The following SCAPER variants were observed in gnomAD, a reference collection of about 807,000 sequenced individuals.
SCAPER encodes S phase cyclin A-associated protein in the endoplasmic reticulum.
A neutral mutation model predicts 182.2 loss-of-function variants in SCAPER; 98 were observed. The ratio of observed to expected loss-of-function variants is 0.54; its 90% CI spans 0.46 to 0.64. The LOEUF (loss-of-function observed/expected upper bound fraction) is 0.64. SCAPER is among the 30% of genes least tolerant of loss of function. The pLI is 0.00. For missense variants in SCAPER, 1,432 were observed against 1,690.0 expected (o/e 0.85, Z 2.68); for synonymous variants, 605 against 564.6 (o/e 1.07, Z -1.01).
At chr15:76,651,356 T>C (rs2055019821) in intron 21 of SCAPER, among the ~76,000 whole-genome samples, 1 of 152,122 alleles carries the variant, frequency 6.6e-6, no homozygotes, top group Admixed American at 6.5e-5. Context: ...GCAATTTTCT[T>C]CAATGCAAGC....
intron 22 of SCAPER, among the ~76,000 whole-genome samples, chr15:76,597,863 G>C (rs1171117004): frequency 8.3e-6 from 1 of 120,614 alleles, no homozygotes; most frequent in African/African-American, 2.5e-5. Flanking sequence ...AGAAAACCTA[G>C]GCAATACCAT....
chr15:76,429,728 A>T (rs1053193761), intron 26 of SCAPER, among the ~76,000 whole-genome samples: 11 of 152,208 alleles, frequency 7.2e-5, no homozygotes, highest in Non-Finnish European at 1.2e-4. Flanking sequence ...GAAACAGCAT[A>T]AAAGTTTGGA....
intron 17 of SCAPER, among the ~76,000 whole-genome samples, chr15:76,707,520 T>G (rs1006919691): frequency 6.6e-6 from 1 of 152,074 alleles, no homozygotes; most frequent in Non-Finnish European, 1.5e-5. Flanking sequence ...TTTTAAAAAT[T>G]AAAGAGGAAT....
intron 3 of SCAPER, among the ~76,000 whole-genome samples, chr15:76,861,445 G>C (rs1257674459): frequency 6.6e-6 from 1 of 152,134 alleles, no homozygotes; most frequent in Non-Finnish European, 1.5e-5. Context: ...GTCATGAAAA[G>C]ATACCAGACA....
chr15:76,365,420 T>C (rs1303117976), intron 29 of SCAPER, among the ~76,000 whole-genome samples: 4 of 152,234 alleles, frequency 2.6e-5, no homozygotes, highest in Non-Finnish European at 5.9e-5. Context: ...GAGTTACTTT[T>C]TAAATGAAGC....
chr15:76,502,812 C>G (rs949599419), intron 24 of SCAPER, among the ~76,000 whole-genome samples: 27 of 152,174 alleles, frequency 1.8e-4, no homozygotes, highest in African/African-American at 6.5e-4. Context: ...CTAGTGCTGA[C>G]CAGCTGCAGG....
At chr15:76,795,099 CTATCTACAG>C in intron 8 of SCAPER, 172 bp downstream of exon 8, 1 of 483,638 alleles carries the variant, frequency 2.1e-6, no homozygotes, top group Non-Finnish European at 3.5e-6. Flanking sequence ...TCTCCATAAG[CTATCTACAG>C]TGCTGAAAAG....
chr15:76,901,338 TCAAC>T (rs1157171783), intron 1 of SCAPER, among the ~76,000 whole-genome samples: 1 of 152,244 alleles, frequency 6.6e-6, no homozygotes. Context: ...CATGAATATG[TCAAC>T]CAAGTTATTT....
chr15:76,589,940 G>A (rs959852824), intron 22 of SCAPER, among the ~76,000 whole-genome samples: 6 of 152,168 alleles, frequency 3.9e-5, no homozygotes, highest in South Asian at 2.1e-4. Flanking sequence ...CTTCTTCCAC[G>A]ATCTGGAACT....
At chr15:76,672,471 G>T (rs2146876047) in intron 20 of SCAPER, among the ~76,000 whole-genome samples, 1 of 152,062 alleles carries the variant, frequency 6.6e-6, no homozygotes. Flanking sequence ...CACAAAAAAT[G>T]ATATAAGGCA....
chr15:76,849,992 C>G (rs71405228), intron 4 of SCAPER, among the ~76,000 whole-genome samples: 1,585 of 152,216 alleles, frequency 0.01, 14 homozygotes, highest in Non-Finnish European at 0.017. Context: ...CTCACTATCA[C>G]GAGAACAGCA....
At chr15:76,412,432 G>C (rs759350014) in intron 26 of SCAPER, among the ~76,000 whole-genome samples, 1 of 152,076 alleles carries the variant, frequency 6.6e-6, no homozygotes, top group Non-Finnish European at 1.5e-5. Flanking sequence ...TGTGTGGCCA[G>C]GGGGTTTATG....
At chr15:76,497,137 T>C (rs1342889618) in intron 24 of SCAPER, among the ~76,000 whole-genome samples, 1 of 54,980 alleles carries the variant, frequency 1.8e-5, no homozygotes, top group Non-Finnish European at 4.0e-5. Context: ...CAAAACGGCC[T>C]TCCTTAGTCC....
intron 15 of SCAPER, among the ~76,000 whole-genome samples, chr15:76,744,596 C>A (rs1243804634): frequency 1.3e-5 from 2 of 152,110 alleles, no homozygotes; most frequent in African/African-American, 4.8e-5. Context: ...CATCTCACAC[C>A]AGTCAGAATG....
At chr15:76,802,039 C>A (rs1250796585) in intron 6 of SCAPER, among the ~76,000 whole-genome samples, 1 of 151,430 alleles carries the variant, frequency 6.6e-6, no homozygotes, top group East Asian at 1.9e-4. Flanking sequence ...AACACAGCCA[C>A]CAATAGGTAA....
At chr15:76,454,555 T>C (rs891949150) in intron 25 of SCAPER, among the ~76,000 whole-genome samples, 2 of 152,192 alleles carry the variant, frequency 1.3e-5, no homozygotes, top group African/African-American at 2.4e-5. Context: ...CTAGAGAATA[T>C]AACGTTTAGT....
chr15:76,610,450 C>G (rs569087385), intron 22 of SCAPER, among the ~76,000 whole-genome samples: 1 of 152,040 alleles, frequency 6.6e-6, no homozygotes, highest in South Asian at 2.1e-4. Context: ...AGCAATTAAG[C>G]AAGAAAAATA....
In SCAPER at chr15:76,404,515, A is replaced by T; in HGVS notation, c.3467+9T>A. ...TTGAGTCTAGATTGAGATCAAGTAG[A>T]TGCCTTACCTTCCAGTGACAGCAAA... On this transcript the variant is annotated intron_variant, in intron 27 of 31. Coordinates refer to ENST00000563290, the MANE Select transcript of SCAPER (RefSeq NM_020843.4). 1 of 1,593,458 alleles carries T rather than the reference A, an allele frequency of 6.3e-7. No individual in the cohort carries two copies. The highest frequency in any genetic ancestry group is 8.6e-7 in the Non-Finnish European group (1 of 1,165,498).
At chr15:76,831,614 G>A (rs893097621) in intron 5 of SCAPER, among the ~76,000 whole-genome samples, 2 of 149,174 alleles carry the variant, frequency 1.3e-5, no homozygotes, top group Admixed American at 1.4e-4. Flanking sequence ...GCAATCACCT[G>A]TGGTTGCCCC....
Sources: gnomAD v4.1 joint callset for allele counts (sites outside exome capture counted in the v4.1 genomes callset) on GRCh38, gnomAD v4.1.1 for gene constraint, MANE v1.5 for transcripts, NCBI Gene and HGNC (gene_info 2026-07-23, HGNC 2026-07-21) for gene names.